KCNMA1: variants seen among roughly 807,000 people sequenced by gnomAD.
KCNMA1 encodes the protein Calcium-activated potassium channel subunit alpha-1.
Under a neutral mutation model 140.0 loss-of-function variants are expected in KCNMA1, and 29 were observed. That is an observed-to-expected ratio of 0.21 (90% CI 0.15 to 0.28). KCNMA1 has a LOEUF of 0.28. Among genes scored for constraint, KCNMA1 ranks in the 10% least tolerant of loss-of-function variants. The pLI is 1.00. For synonymous variants in KCNMA1, 612 were observed against 611.9 expected, an observed-to-expected ratio of 1.00 and a Z score of 0.00; for missense variants, 880 against 1,602.2, an observed-to-expected ratio of 0.55 and a Z score of 7.70.
intron 1 of KCNMA1, among the ~76,000 whole-genome samples, chr10:77,628,201 A>G (rs954742816): frequency 1.3e-5 from 2 of 152,234 alleles, no homozygotes; most frequent in Non-Finnish European, 2.9e-5. Flanking sequence ...AATGATATGC[A>G]AAGATGCAGA....
At chr10:77,507,582 C>T (rs2046614095) in intron 1 of KCNMA1, among the ~76,000 whole-genome samples, 1 of 152,224 alleles carries the variant, frequency 6.6e-6, no homozygotes, top group Non-Finnish European at 1.5e-5. Context: ...TCAGCCCTGT[C>T]CCAGTGCTCT....
At chr10:77,305,092 A>G (rs1165113745) in intron 2 of KCNMA1, among the ~76,000 whole-genome samples, 1 of 152,208 alleles carries the variant, frequency 6.6e-6, no homozygotes, top group Admixed American at 6.5e-5. Flanking sequence ...GATGGACCAC[A>G]CTGAGAAGCA....
rs77602559 is a variant in KCNMA1 at position 77,637,609 on chromosome 10, T to C, written c.34A>G (p.Ser12Gly). The change falls in exon 1 of 28, where the codon AGC becomes GGC. Residue 12 changes from serine (S) to glycine (G), a missense_variant. Ser to Gly is a moderately conservative substitution (Grantham distance 56, BLOSUM62 0). Coordinates refer to ENST00000286628, the MANE Select transcript of KCNMA1 (RefSeq NM_001161352.2). ...ANGGGGGGGSSGGGGGGGGSS... is the reference protein window; with the variant it reads ...ANGGGGGGGSGGGGGGGGGSS... ...CCTCCGCCGCCGCCGCCGCCGCCGC[T>C]GCTGCCGCCGCCGCCGCCGCCACCA... 2.2e-3 allele frequency: 3,347 copies of C among 1,520,716 alleles called. 9 individuals are homozygous for C. Among genetic ancestry groups the C allele is most frequent in the African/African-American group, 0.014 (996 of 71,270 alleles). 94.2% of individuals were successfully genotyped at this position (1,520,716 alleles called of 1,614,324 possible). A position where few individuals can be genotyped will look rare whatever the true frequency, so the allele number is the denominator to read the frequency against.
intron 5 of KCNMA1, among the ~76,000 whole-genome samples, chr10:77,139,670 C>A (rs553150683): frequency 1.3e-5 from 2 of 152,094 alleles, no homozygotes; most frequent in Admixed American, 6.5e-5. Context: ...TTTTTATGGC[C>A]AGAAATGTAC....
chr10:77,129,872 A>G (rs950254019), intron 5 of KCNMA1, among the ~76,000 whole-genome samples: 1 of 152,136 alleles, frequency 6.6e-6, no homozygotes, highest in Non-Finnish European at 1.5e-5. Context: ...GAAAAATATA[A>G]ACTTCGAAAC....
At chr10:77,211,243 T>TA (rs1017562456) in intron 3 of KCNMA1, among the ~76,000 whole-genome samples, 34 of 151,672 alleles carry the variant, frequency 2.2e-4, no homozygotes, top group East Asian at 5.8e-4. Flanking sequence ...ATGGTATTGG[T>TA]AAAAAAAACA....
intron 2 of KCNMA1, among the ~76,000 whole-genome samples, chr10:77,356,105 C>T (rs1042153266): frequency 1.3e-5 from 2 of 152,148 alleles, no homozygotes; most frequent in African/African-American, 4.8e-5. Flanking sequence ...AAACACAGAG[C>T]AATTACATAC....
intron 2 of KCNMA1, among the ~76,000 whole-genome samples, chr10:77,321,445 G>A (rs2082295744): frequency 6.6e-6 from 1 of 151,664 alleles, no homozygotes; most frequent in South Asian, 2.1e-4. Flanking sequence ...GCTCCAAGAA[G>A]CCCAAGTCCT....
chr10:77,238,840 G>A (rs2056426561), intron 3 of KCNMA1, among the ~76,000 whole-genome samples: 1 of 152,268 alleles, frequency 6.6e-6, no homozygotes, highest in Non-Finnish European at 1.5e-5. Context: ...TACCTGGCAG[G>A]CAAAATTTTT....
At chr10:77,599,685 T>C (rs1305447426) in intron 1 of KCNMA1, among the ~76,000 whole-genome samples, 1 of 152,224 alleles carries the variant, frequency 6.6e-6, no homozygotes, top group Non-Finnish European at 1.5e-5. Context: ...ATATTGAATG[T>C]CATTTCAGCA....
chr10:77,330,123 A>G (rs1421648378), intron 2 of KCNMA1, among the ~76,000 whole-genome samples: 1 of 152,168 alleles, frequency 6.6e-6, no homozygotes, highest in Non-Finnish European at 1.5e-5. Flanking sequence ...AAAACTGTGG[A>G]CATATCACGT....
intron 3 of KCNMA1, among the ~76,000 whole-genome samples, chr10:77,221,302 C>T (rs1229171545): frequency 6.6e-6 from 1 of 152,116 alleles, no homozygotes; most frequent in African/African-American, 2.4e-5. Flanking sequence ...TTTAACGAAT[C>T]TTCCCAAGAC....
At chr10:77,033,426 T>C (rs181912991) in intron 15 of KCNMA1, among the ~76,000 whole-genome samples, 25 of 151,914 alleles carry the variant, frequency 1.6e-4, no homozygotes, top group African/African-American at 5.6e-4. Flanking sequence ...TCTCTTATTC[T>C]CTCCTTCTCT....
Position 77,217,036 on chromosome 10 carries a change from C to T in KCNMA1, c.603-32120G>A, listed in dbSNP as rs77107912. Among the ~76,000 whole-genome samples the T allele has an allele frequency of 3.0e-3, 462 of 152,156 alleles. 1 individual carries two copies. The highest frequency in any genetic ancestry group is 5.2e-3 in the Non-Finnish European group (355 of 67,990). On this transcript the variant is annotated intron_variant, in intron 3 of 27. Transcript: ENST00000286628. ...ATTTTTGGCCAGGTGCAATCTTAATCGCTCACGCTTTTAATCCCAGCACTT... is the reference window on the plus strand; with the variant it reads ...ATTTTTGGCCAGGTGCAATCTTAATTGCTCACGCTTTTAATCCCAGCACTT...
chr10:76,908,549 T>G (rs890754667), intron 25 of KCNMA1, among the ~76,000 whole-genome samples: 1 of 152,226 alleles, frequency 6.6e-6, no homozygotes, highest in African/African-American at 2.4e-5. Context: ...AGCTTTATGT[T>G]TTTTCTTTCC....
chr10:76,903,642 G>A (rs1897589), intron 25 of KCNMA1: 79,186 of 152,034 alleles, frequency 0.52, 22,297 homozygotes, highest in Non-Finnish European at 0.64. Context: ...CTCTTGAGTG[G>A]AGTGTAAGAA....
At chr10:77,182,710 C>T (rs570497752) in intron 5 of KCNMA1, among the ~76,000 whole-genome samples, 9 of 152,292 alleles carry the variant, frequency 5.9e-5, no homozygotes, top group Non-Finnish European at 1.0e-4. Flanking sequence ...GACCCCATGA[C>T]AGCAGGAATA....
chr10:76,919,836 T>C (rs1268756142), intron 23 of KCNMA1, among the ~76,000 whole-genome samples: 1 of 151,814 alleles, frequency 6.6e-6, no homozygotes, highest in East Asian at 1.9e-4. Flanking sequence ...CTACCAATAT[T>C]AATATTTTAT....
chr10:77,448,752 G>C (rs186517546), intron 1 of KCNMA1, among the ~76,000 whole-genome samples: 38 of 152,178 alleles, frequency 2.5e-4, no homozygotes, highest in Non-Finnish European at 4.3e-4. Context: ...CAAGAGAAAT[G>C]GTCCTATTTC....
Sources: gnomAD v4.1 joint callset for allele counts (sites outside exome capture counted in the v4.1 genomes callset) on GRCh38, gnomAD v4.1.1 for gene constraint, MANE v1.5 for transcripts, NCBI Gene and HGNC (gene_info 2026-07-23, HGNC 2026-07-21) for gene names.